UNC5C: variants seen among roughly 807,000 people sequenced by gnomAD.
UNC5C encodes the protein unc-5 netrin receptor C, also known as netrin receptor UNC5C.
A neutral mutation model predicts 99.8 loss-of-function variants in UNC5C; 47 were observed. The observed-to-expected ratio is 0.47, with a 90% CI of 0.37 to 0.60. The LOEUF (loss-of-function observed/expected upper bound fraction) is 0.60. UNC5C is among the 20% of genes least tolerant of loss of function. The probability of loss-of-function intolerance (pLI) is 0.00; values close to 1 mark genes in which losing one functional copy is unlikely to be tolerated. For missense variants in UNC5C, 1,062 were observed against 1,165.9 expected, an observed-to-expected ratio of 0.91 and a Z score of 1.30; for synonymous variants, 487 against 452.2, an observed-to-expected ratio of 1.08 and a Z score of -0.98.
chr4:95,241,074 A>G (rs1739313684), intron 7 of UNC5C, among the ~76,000 whole-genome samples: 1 of 151,646 alleles, frequency 6.6e-6, no homozygotes, highest in African/African-American at 2.4e-5. Flanking sequence ...TTTGTTCTAG[A>G]GTAAAGGAAA....
intron 1 of UNC5C, among the ~76,000 whole-genome samples, chr4:95,521,509 C>G (rs191671677): frequency 6.6e-6 from 1 of 152,050 alleles, no homozygotes; most frequent in African/African-American, 2.4e-5. Flanking sequence ...TGAGCCTCCA[C>G]GCCTGGCCTC....
intron 7 of UNC5C, among the ~76,000 whole-genome samples, chr4:95,231,385 A>G (rs1165619119): frequency 6.6e-6 from 1 of 152,230 alleles, no homozygotes; most frequent in East Asian, 1.9e-4. Flanking sequence ...TGCATATGAC[A>G]TAATGTCATT....
intron 7 of UNC5C, among the ~76,000 whole-genome samples, chr4:95,230,474 T>C (rs963307680): frequency 6.6e-6 from 1 of 152,218 alleles, no homozygotes; most frequent in African/African-American, 2.4e-5. Flanking sequence ...ATTTTGGCTT[T>C]TGTTGCCATT....
chr4:95,519,933 A>G (rs117609996), intron 1 of UNC5C, among the ~76,000 whole-genome samples: 7 of 152,258 alleles, frequency 4.6e-5, no homozygotes, highest in African/African-American at 1.7e-4. Context: ...CTCCCAAAAG[A>G]GTCATTAACC....
intron 2 of UNC5C, among the ~76,000 whole-genome samples, chr4:95,305,186 T>A (rs1268160840): frequency 6.6e-6 from 1 of 152,194 alleles, no homozygotes; most frequent in Admixed American, 6.5e-5. Context: ...TTCCAACTTT[T>A]GGTCAACAAC....
At chr4:95,521,224 CT>C (rs1385036212) in intron 1 of UNC5C, among the ~76,000 whole-genome samples, 15 of 27,106 alleles carry the variant, frequency 5.5e-4, no homozygotes, top group Non-Finnish European at 9.2e-4. Flanking sequence ...TTTCTTTTTT[CT>C]TTTTTTTTTG....
intron 4 of UNC5C, 68 bp downstream of exon 4, chr4:95,278,191 C>G: frequency 7.8e-7 from 1 of 1,281,136 alleles, no homozygotes. Context: ...CACCATTAGC[C>G]ATGGATTAGG....
chr4:95,501,958 GAA>G (rs1212771025), intron 1 of UNC5C, among the ~76,000 whole-genome samples: 1 of 152,146 alleles, frequency 6.6e-6, no homozygotes, highest in African/African-American at 2.4e-5. Flanking sequence ...CACAGCAGAA[GAA>G]GAGAGGACTT....
chr4:95,170,122 A>G (rs772255655), intron 15 of UNC5C, 32 bp downstream of exon 15: 13 of 1,601,914 alleles, frequency 8.1e-6, no homozygotes, highest in Admixed American at 3.4e-5. Flanking sequence ...ACTAACAGAA[A>G]GAAGCTAGTC....
At chr4:95,420,325 A>G (rs1198873459) in intron 1 of UNC5C, among the ~76,000 whole-genome samples, 2 of 152,168 alleles carry the variant, frequency 1.3e-5, no homozygotes, top group Non-Finnish European at 2.9e-5. Context: ...TCTACTGTGT[A>G]AGCAATTTCA....
At chr4:95,448,244 G>GAGAGAC (rs1747177577) in intron 1 of UNC5C, among the ~76,000 whole-genome samples, 5 of 150,946 alleles carry the variant, frequency 3.3e-5, no homozygotes. Flanking sequence ...GAGAGAGAGA[G>GAGAGAC]AGAGAGAGAG....
intron 1 of UNC5C, among the ~76,000 whole-genome samples, chr4:95,539,692 A>G (rs929321480): frequency 4.6e-5 from 7 of 152,132 alleles, no homozygotes; most frequent in African/African-American, 1.4e-4. Flanking sequence ...ATATATGCTC[A>G]CAGGGAATTA....
intron 7 of UNC5C, among the ~76,000 whole-genome samples, chr4:95,236,350 G>T (rs771774478): frequency 2.1e-4 from 31 of 150,826 alleles, no homozygotes; most frequent in African/African-American, 7.1e-4. Context: ...ACCAAACATC[G>T]CATGTTCTCA....
At chr4:95,473,288 A>G (rs1748030926) in intron 1 of UNC5C, among the ~76,000 whole-genome samples, 1 of 152,152 alleles carries the variant, frequency 6.6e-6, no homozygotes, top group South Asian at 2.1e-4. Flanking sequence ...CAAAGATACA[A>G]TAGCTTAAGA....
chr4:95,529,698 G>A (rs1027146910), intron 1 of UNC5C, among the ~76,000 whole-genome samples: 6 of 151,866 alleles, frequency 4.0e-5, no homozygotes, highest in African/African-American at 1.5e-4. Flanking sequence ...CTGCATTTCG[G>A]CCTGAGTAAC....
intron 2 of UNC5C, among the ~76,000 whole-genome samples, chr4:95,323,022 C>T (rs1742751162): frequency 6.6e-6 from 1 of 151,510 alleles, no homozygotes; most frequent in African/African-American, 2.4e-5. Flanking sequence ...CCACAATCAC[C>T]ATGAATGTAA....
intron 2 of UNC5C, among the ~76,000 whole-genome samples, chr4:95,330,078 A>G (rs947718635): frequency 6.6e-5 from 10 of 152,140 alleles, no homozygotes; most frequent in African/African-American, 2.2e-4. Flanking sequence ...TCACTGGTTG[A>G]AAAACTGATC....
At chr4:95,371,987 T>C (rs1250725727) in intron 1 of UNC5C, among the ~76,000 whole-genome samples, 3 of 152,186 alleles carry the variant, frequency 2.0e-5, no homozygotes, top group East Asian at 1.9e-4. Flanking sequence ...GCCAGGACAA[T>C]TGCACTGTTT....
chr4:95,296,172 C>G (rs943106615), intron 3 of UNC5C, among the ~76,000 whole-genome samples: 1 of 152,184 alleles, frequency 6.6e-6, no homozygotes, highest in South Asian at 2.1e-4. Context: ...TCAGCCTGTA[C>G]AGAGAGAATT....
Sources: gnomAD v4.1 joint callset for allele counts (sites outside exome capture counted in the v4.1 genomes callset) on GRCh38, gnomAD v4.1.1 for gene constraint, MANE v1.5 for transcripts, NCBI Gene and HGNC (gene_info 2026-07-23, HGNC 2026-07-21) for gene names.